The following MIDEAS variants were observed in gnomAD, a reference collection of about 807,000 sequenced individuals.
The protein encoded by MIDEAS is mitotic deacetylase associated SANT domain protein, also known as mitotic deacetylase-associated SANT domain protein.
In MIDEAS, 26 loss-of-function variants were observed where a neutral mutation model predicts 102.7. The observed-to-expected ratio is 0.25, with a 90% CI of 0.19 to 0.35. The LOEUF is 0.35. Among genes scored for constraint, MIDEAS ranks in the 10% least tolerant of loss-of-function variants. The pLI, the probability that MIDEAS is intolerant of heterozygous loss-of-function variation, is 1.00. For missense variants in MIDEAS, 1,231 were observed against 1,435.6 expected (o/e 0.86, Z 2.30); for synonymous variants, 585 against 591.0 (o/e 0.99, Z 0.15).
intron 10 of MIDEAS, chr14:73,722,334 C>T (rs903626909): frequency 6.0e-6 from 1 of 165,770 alleles, no homozygotes; most frequent in Non-Finnish European, 1.3e-5. Flanking sequence ...ATGAATATGA[C>T]AAAAATTCTA....
chr14:73,770,278 G>T (rs578064417), intron 1 of MIDEAS, among the ~76,000 whole-genome samples: 1 of 152,172 alleles, frequency 6.6e-6, no homozygotes, highest in South Asian at 2.1e-4. Context: ...AATCAGAAGA[G>T]AATTCTAAAT....
At chr14:73,733,729 C>T (rs974038743) in intron 3 of MIDEAS, among the ~76,000 whole-genome samples, 2 of 152,212 alleles carry the variant, frequency 1.3e-5, no homozygotes, top group African/African-American at 2.4e-5. Flanking sequence ...AAGTCTCACT[C>T]TGTTGCCCAA....
At chr14:73,785,563 G>A (rs537607351) in intron 1 of MIDEAS, among the ~76,000 whole-genome samples, 2 of 152,308 alleles carry the variant, frequency 1.3e-5, no homozygotes, top group African/African-American at 4.8e-5. Flanking sequence ...GACACTTCCA[G>A]GCTTAAAGTC....
At chr14:73,756,301 C>T (rs999514415) in intron 1 of MIDEAS, among the ~76,000 whole-genome samples, 7 of 85,484 alleles carry the variant, frequency 8.2e-5, no homozygotes, top group African/African-American at 3.0e-4. Context: ...TGTGTGCGCG[C>T]GCGCGTGCGC....
intron 3 of MIDEAS, among the ~76,000 whole-genome samples, chr14:73,732,355 AAAAG>A (rs2053149443): frequency 6.6e-6 from 1 of 151,960 alleles, no homozygotes; most frequent in Admixed American, 6.5e-5. Flanking sequence ...TAGGTGAAAA[AAAAG>A]AAAGCTAAAG....
chr14:73,745,567 C>T (rs2053340701), intron 1 of MIDEAS, among the ~76,000 whole-genome samples: 1 of 152,204 alleles, frequency 6.6e-6, no homozygotes, highest in African/African-American at 2.4e-5. Context: ...TCCTGAAAAG[C>T]TCTCTCAGAC....
chr14:73,740,555 GCATAGGCACA>G (rs1290688261), intron 1 of MIDEAS, among the ~76,000 whole-genome samples: 2 of 152,208 alleles, frequency 1.3e-5, no homozygotes, highest in Admixed American at 1.3e-4. Flanking sequence ...TTTGTGCACT[GCATAGGCACA>G]TTCTAAGGCA....
intron 1 of MIDEAS, among the ~76,000 whole-genome samples, chr14:73,745,811 C>G (rs955146548): frequency 6.6e-6 from 1 of 152,230 alleles, no homozygotes; most frequent in South Asian, 2.1e-4. Context: ...GGCTCTGATA[C>G]AACAGACGTG....
At chr14:73,785,809 G>A (rs553883518) in intron 1 of MIDEAS, among the ~76,000 whole-genome samples, 152 of 152,178 alleles carry the variant, frequency 1.0e-3, no homozygotes, top group Non-Finnish European at 1.8e-3. Flanking sequence ...GTGGCCTCCC[G>A]AGTCCACCCC....
At position 73,715,277 on chromosome 14, in the gene MIDEAS, GTC is replaced by G. The variant is rs1363271305; in HGVS notation, c.*3564_*3565del. 1 of 152,496 alleles carries G rather than the reference GTC, an allele frequency of 6.6e-6. No individual in the cohort carries two copies. The highest frequency in any genetic ancestry group is 1.5e-5 in the Non-Finnish European group (1 of 68,034). The allele number at this position is 152,496 out of a possible 1,614,324, so 9.4% of individuals were successfully genotyped here. A position where few individuals can be genotyped will look rare whatever the true frequency, so the allele number is the denominator to read the frequency against. ...AAGCACACAAAAAATAAAATCTTCA[GTC>G]TCTATCACAACTGTACAGCAAAAGA... On this transcript the variant is annotated 3_prime_UTR_variant, in exon 13 of 13. Transcript: ENST00000423556.
chr14:73,771,503 C>T (rs549940637), intron 1 of MIDEAS, among the ~76,000 whole-genome samples: 2 of 152,282 alleles, frequency 1.3e-5, no homozygotes, highest in African/African-American at 4.8e-5. Flanking sequence ...AGACACTCCA[C>T]GTGTTAAGAA....
At position 73,740,124 on chromosome 14, in the gene MIDEAS, G is replaced by A. The variant is rs1282403491; in HGVS notation, c.-116C>T. The A allele has an allele frequency of 3.0e-6, 4 of 1,336,760 alleles. No individual in the cohort carries two copies. The highest frequency in any genetic ancestry group is 3.9e-6 in the Non-Finnish European group (4 of 1,029,942). The allele number at this position is 1,336,760 out of a possible 1,614,324, so 82.8% of individuals were successfully genotyped here. ...CAGGAGCCAGGGAGGGCAGAGCAGGGGCAGAGGAAGACGCTGGACAGTGAG... is the reference window on the plus strand; with the variant it reads ...CAGGAGCCAGGGAGGGCAGAGCAGGAGCAGAGGAAGACGCTGGACAGTGAG... On this transcript the variant is annotated 5_prime_UTR_variant, in exon 2 of 13. Transcript: ENST00000423556.
intron 11 of MIDEAS, among the ~76,000 whole-genome samples, chr14:73,720,941 A>G (rs533654715): frequency 6.6e-6 from 1 of 152,220 alleles, no homozygotes; most frequent in East Asian, 1.9e-4. Flanking sequence ...GCAAACCACC[A>G]ATGCTCCCTC....
Position 73,738,852 on chromosome 14 carries a change from G to A in MIDEAS, c.1157C>T (p.Pro386Leu), listed in dbSNP as rs2053240127. The change falls in exon 2 of 13, where the codon CCA becomes CTA. Residue 386 changes from proline to leucine, a missense_variant. By Grantham distance (98) the Pro-to-Leu change is moderately conservative. This residue lies in a region of MIDEAS where 758 missense variants were observed against 856.0 expected (regional missense o/e 0.89). Transcript: ENST00000423556. Reference protein sequence around the residue: ...FLHHWPLQQPPPGSLGQPHPE... With the variant: ...FLHHWPLQQPLPGSLGQPHPE... Reference sequence around the variant, plus strand: ...ATGGGGCTGCCCCAGGGAGCCAGGTGGCGGCTGCTGCAGGGGCCAGTGATG... The same window carrying A: ...ATGGGGCTGCCCCAGGGAGCCAGGTAGCGGCTGCTGCAGGGGCCAGTGATG... 2.5e-6 allele frequency: 4 copies of A among 1,571,908 alleles called. No individual in the cohort carries two copies. Among genetic ancestry groups the A allele is most frequent in the Non-Finnish European group, 2.6e-6 (3 of 1,159,050 alleles).
At chr14:73,743,188 T>C (rs10151870) in intron 1 of MIDEAS, among the ~76,000 whole-genome samples, 124,686 of 152,062 alleles carry the variant, frequency 0.82, 51,631 homozygotes, top group East Asian at 0.94. Flanking sequence ...CAGCACACTC[T>C]ACACCACCTC....
chr14:73,785,419 A>G (rs138423205), intron 1 of MIDEAS, among the ~76,000 whole-genome samples: 95 of 152,220 alleles, frequency 6.2e-4, no homozygotes, highest in Non-Finnish European at 1.1e-3. Flanking sequence ...TCCTATGGAG[A>G]AGGAGGAGTC....
intron 10 of MIDEAS, chr14:73,722,393 T>C (rs2053006490): frequency 4.9e-6 from 1 of 202,042 alleles, no homozygotes; most frequent in African/African-American, 2.3e-5. Flanking sequence ...AAAAAGGTGA[T>C]ACAAGAATGA....
rs77593667 is a variant in MIDEAS, at chr14:73,735,335, G to A, written c.1749+1663C>T. ...ATTATATCAAAGCATCATGTTGTATGCCATAAATATGTATTCTTTTTATGT... is the reference window on the plus strand; with the variant it reads ...ATTATATCAAAGCATCATGTTGTATACCATAAATATGTATTCTTTTTATGT... On this transcript the variant is annotated intron_variant, in intron 3 of 12. Transcript: ENST00000423556. Among the ~76,000 whole-genome samples the A allele has an allele frequency of 5.3e-3, 808 of 152,280 alleles. 4 individuals are homozygous for A. The highest frequency in any genetic ancestry group is 0.019 in the African/African-American group (779 of 41,534).
chr14:73,734,561 C>A (rs1489088999), intron 3 of MIDEAS, among the ~76,000 whole-genome samples: 1 of 152,022 alleles, frequency 6.6e-6, no homozygotes, highest in Admixed American at 6.6e-5. Flanking sequence ...GTGTGCACCA[C>A]CACACCCAGC....
Sources: gnomAD v4.1 joint callset for allele counts (sites outside exome capture counted in the v4.1 genomes callset) on GRCh38, gnomAD v4.1.1 for gene constraint, gnomAD v4.1.1 regional missense constraint, MANE v1.5 for transcripts, NCBI Gene and HGNC (gene_info 2026-07-23, HGNC 2026-07-21) for gene names.